The following KAT6B variants were observed in gnomAD, a reference collection of about 807,000 sequenced individuals.
KAT6B encodes the protein histone acetyltransferase KAT6B.
KAT6B carries 10 observed loss-of-function variants against 187.5 expected under a neutral mutation model. That is an observed-to-expected ratio of 0.05 (90% confidence interval 0.03 to 0.09). The LOEUF (loss-of-function observed/expected upper bound fraction) is 0.09. KAT6B is among the 10% of genes least tolerant of loss of function. The probability of loss-of-function intolerance (pLI) is 1.00; values close to 1 mark genes in which losing one functional copy is unlikely to be tolerated. For synonymous variants in KAT6B, 861 were observed against 926.8 expected, an observed-to-expected ratio of 0.93 and a Z score of 1.29; for missense variants, 1,952 against 2,558.9, an observed-to-expected ratio of 0.76 and a Z score of 5.12.
intron 3 of KAT6B, among the ~76,000 whole-genome samples, chr10:74,856,283 C>T (rs777170451): frequency 4.6e-5 from 7 of 152,018 alleles, no homozygotes; most frequent in South Asian, 2.1e-4. Flanking sequence ...GATGGGGTTT[C>T]GCCAGGTTGG....
intron 3 of KAT6B, among the ~76,000 whole-genome samples, chr10:74,918,004 T>C (rs1847821453): frequency 6.6e-6 from 1 of 152,240 alleles, no homozygotes; most frequent in African/African-American, 2.4e-5. Context: ...GGGTAAGTTT[T>C]GGCTTAAATT....
chr10:74,841,788 G>A (rs1461956986), intron 2 of KAT6B, among the ~76,000 whole-genome samples: 2 of 152,148 alleles, frequency 1.3e-5, no homozygotes, highest in African/African-American at 4.8e-5. Context: ...GCTCAGGTTT[G>A]GCCCAATTCC....
At position 74,969,973 on chromosome 10, in the gene KAT6B, T is replaced by C. The variant is rs191373925; in HGVS notation, c.847-47T>C. The C allele has an allele frequency of 7.4e-5, 106 of 1,434,048 alleles. No homozygotes were observed. In the African/African-American group the frequency reaches 1.4e-3, roughly 19 times the overall value. The allele number at this position is 1,434,048 out of a possible 1,614,324, so 88.8% of individuals were successfully genotyped here. ...AGTAACAAAAGAATTTTTGGCCTTT[T>C]ACAGTTGGTTTCAGTCTCAATTAGT... On this transcript the variant is annotated intron_variant, in intron 5 of 17. Coordinates refer to ENST00000287239, the MANE Select transcript of KAT6B (RefSeq NM_012330.4).
At chr10:74,997,192 T>G (rs1218422274) in intron 13 of KAT6B, among the ~76,000 whole-genome samples, 1 of 151,316 alleles carries the variant, frequency 6.6e-6, no homozygotes, top group Non-Finnish European at 1.5e-5. Context: ...GGAGACCATC[T>G]CTCTCTCTTT....
chr10:74,917,557 G>T (rs1364127790), intron 3 of KAT6B, among the ~76,000 whole-genome samples: 1 of 152,214 alleles, frequency 6.6e-6, no homozygotes, highest in Non-Finnish European at 1.5e-5. Flanking sequence ...GTGCTTGAGG[G>T]AAGGGAGATA....
intron 4 of KAT6B, among the ~76,000 whole-genome samples, chr10:74,967,962 C>G (rs1841589031): frequency 6.6e-6 from 1 of 152,046 alleles, no homozygotes; most frequent in Non-Finnish European, 1.5e-5. Context: ...TGATATATGC[C>G]TTACAGGAAG....
intron 3 of KAT6B, among the ~76,000 whole-genome samples, chr10:74,942,481 T>G (rs1217713209): frequency 6.6e-6 from 1 of 151,896 alleles, no homozygotes; most frequent in African/African-American, 2.4e-5. Flanking sequence ...AAAAGCCATA[T>G]CTGGCTGGGC....
intron 3 of KAT6B, among the ~76,000 whole-genome samples, chr10:74,903,970 A>G (rs923940863): frequency 6.6e-6 from 1 of 152,200 alleles, no homozygotes; most frequent in Non-Finnish European, 1.5e-5. Flanking sequence ...GAGATACTCC[A>G]TGTGGATGGT....
intron 3 of KAT6B, among the ~76,000 whole-genome samples, chr10:74,885,650 G>A (rs927312878): frequency 5.3e-5 from 8 of 152,070 alleles, no homozygotes. Context: ...AAATATTGTG[G>A]AGGACTCAGA....
chr10:75,008,666 A>G (rs906565445), intron 13 of KAT6B, among the ~76,000 whole-genome samples: 1 of 152,224 alleles, frequency 6.6e-6, no homozygotes, highest in Non-Finnish European at 1.5e-5. Context: ...GCATCCAGTT[A>G]AAAACTTGTA....
Position 75,021,114 on chromosome 10 carries a change from A to G in KAT6B, c.2862-12A>G. 6.2e-7 allele frequency: 1 copy of G among 1,613,250 alleles called. No homozygotes were observed. The highest frequency in any genetic ancestry group is 1.3e-5 in the African/African-American group (1 of 75,034). ...TTGTGATTACATCTTGTTCTGCCTT[A>G]TCACATTACAGATTTGTCATCATTA... On this transcript the variant is annotated splice_polypyrimidine_tract_variant and intron_variant, in intron 14 of 17. Transcript: ENST00000287239.
intron 3 of KAT6B, among the ~76,000 whole-genome samples, chr10:74,900,808 G>T (rs1846330125): frequency 6.6e-6 from 1 of 152,202 alleles, no homozygotes; most frequent in African/African-American, 2.4e-5. Context: ...ATTATTCATT[G>T]AGTGCAAATG....
intron 3 of KAT6B, among the ~76,000 whole-genome samples, chr10:74,942,765 CAAAAA>C (rs56276008): frequency 0.039 from 358 of 9,246 alleles, no homozygotes; most frequent in African/African-American, 0.086. Flanking sequence ...AACTCCATCG[CAAAAA>C]AAAAAAAAAA....
At chr10:74,851,424 C>T (rs368786863) in intron 3 of KAT6B, among the ~76,000 whole-genome samples, 4 of 151,462 alleles carry the variant, frequency 2.6e-5, no homozygotes, top group Non-Finnish European at 4.4e-5. Flanking sequence ...ACCTCCGCCT[C>T]CCTGGTTCAA....
intron 3 of KAT6B, among the ~76,000 whole-genome samples, chr10:74,898,059 A>C (rs1418879136): frequency 6.6e-6 from 1 of 152,218 alleles, no homozygotes. Flanking sequence ...TTCTTTGTCA[A>C]CAATAAATCT....
Position 74,989,128 on chromosome 10 carries a change from T to C in KAT6B, c.2629+16T>C. 3.2e-6 allele frequency: 5 copies of C among 1,561,248 alleles called. No individual in the cohort carries two copies. The highest frequency in any genetic ancestry group is 4.4e-6 in the Non-Finnish European group (5 of 1,131,740). On this transcript the variant is annotated intron_variant, in intron 13 of 17. Coordinates refer to ENST00000287239, the MANE Select transcript of KAT6B (RefSeq NM_012330.4). ...ATTGATTTCAGTAAGTGAAGTACTT[T>C]ATTTACTTTCATGATCCAGGAAGCT...
intron 3 of KAT6B, among the ~76,000 whole-genome samples, chr10:74,951,276 C>T (rs1840301110): frequency 6.6e-6 from 1 of 151,748 alleles, no homozygotes; most frequent in African/African-American, 2.4e-5. Flanking sequence ...ACTACAGGTG[C>T]GCACCACCAT....
intron 3 of KAT6B, among the ~76,000 whole-genome samples, chr10:74,856,550 A>ATTTG (rs972941566): frequency 3.9e-5 from 6 of 152,138 alleles, no homozygotes; most frequent in African/African-American, 1.4e-4. Flanking sequence ...CACAATTAGT[A>ATTTG]TTTGTCTGAC....
chr10:75,020,830 TG>T lies in KAT6B; in HGVS notation c.2861+20del. ...AGATGGCAGGTGAGTCCTGGGACCCTGGGCAGCTCCGTGGCTCAGGCATCCC... is the reference window on the plus strand; with the variant it reads ...AGATGGCAGGTGAGTCCTGGGACCCTGGCAGCTCCGTGGCTCAGGCATCCC... On this transcript the variant is annotated intron_variant, in intron 14 of 17. Transcript: ENST00000287239. 1 of 1,609,104 alleles carries T rather than the reference TG, an allele frequency of 6.2e-7. No homozygotes were observed.
Sources: allele counts gnomAD v4.1 joint callset (sites outside exome capture counted in the v4.1 genomes callset), GRCh38; gene constraint gnomAD v4.1.1; transcripts MANE v1.5; gene names NCBI Gene and HGNC (gene_info 2026-07-23, HGNC 2026-07-21).